Variants in NUDC observed in about 807,000 individuals in gnomAD.
NUDC encodes nuclear distribution C, dynein complex regulator, also known as nuclear migration protein nudC.
NUDC carries 14 observed loss-of-function variants against 45.0 expected under a neutral mutation model. The ratio of observed to expected loss-of-function variants is 0.31; its 90% CI spans 0.21 to 0.49. NUDC has a LOEUF of 0.49. NUDC is among the 20% of genes least tolerant of loss of function. The probability of loss-of-function intolerance (pLI) is 0.99; values close to 1 mark genes in which losing one functional copy is unlikely to be tolerated. For synonymous variants in NUDC, 153 were observed against 156.7 expected (o/e 0.98, Z 0.17); for missense variants, 323 against 426.2 (o/e 0.76, Z 2.13).
intron 2 of NUDC, among the ~76,000 whole-genome samples, chr1:26,908,069 C>T (rs2082009901): frequency 6.6e-6 from 1 of 152,028 alleles, no homozygotes; most frequent in Non-Finnish European, 1.5e-5. Context: ...ATCCCAGCTA[C>T]TTGGGAGGCT....
chr1:26,935,156 A>G (rs952998257), intron 2 of NUDC, among the ~76,000 whole-genome samples: 2 of 150,504 alleles, frequency 1.3e-5, no homozygotes, highest in African/African-American at 4.9e-5. Flanking sequence ...TAATTTTTGT[A>G]TTTTTAGTAG....
At chr1:26,929,674 A>AT (rs771271250) in intron 2 of NUDC, 6 of 412,106 alleles carry the variant, frequency 1.5e-5, no homozygotes, top group Admixed American at 2.6e-5. Flanking sequence ...TTGAAGGCAT[A>AT]TTTTTTGATG....
chr1:26,945,837 T>G, intron 8 of NUDC, 151 bp downstream of exon 8: 1 of 775,642 alleles, frequency 1.3e-6, no homozygotes, highest in Non-Finnish European at 2.3e-6. Flanking sequence ...GCTTGCCTAC[T>G]CTTGTCATTT....
At chr1:26,910,959 C>T (rs2082022763) in intron 2 of NUDC, among the ~76,000 whole-genome samples, 1 of 151,844 alleles carries the variant, frequency 6.6e-6, no homozygotes, top group Non-Finnish European at 1.5e-5. Flanking sequence ...GGCTGTGAGC[C>T]AAGTGTCATG....
upstream of NUDC, chr1:26,900,197 C>G (rs1285672428): frequency 1.2e-6 from 2 of 1,614,076 alleles, no homozygotes; most frequent in Non-Finnish European, 1.7e-6. Flanking sequence ...CATCGGTGGC[C>G]GAAGTCTGAG....
intron 2 of NUDC, among the ~76,000 whole-genome samples, chr1:26,932,444 G>A (rs1208370531): frequency 6.6e-6 from 1 of 152,088 alleles, no homozygotes; most frequent in Non-Finnish European, 1.5e-5. Flanking sequence ...TTCCCAAAGT[G>A]CTGGGATTAC....
In NUDC at chr1:26,924,126, C is replaced by CA; in HGVS notation, c.120dup (p.Asp41ArgfsTer69). 1 of 1,614,100 alleles carries CA rather than the reference C, an allele frequency of 6.2e-7. No individual in the cohort carries two copies. Among genetic ancestry groups the CA allele is most frequent in the Non-Finnish European group, 8.5e-7 (1 of 1,179,990 alleles). ...TTCTTCAGCTTCCTTCGACGCAAAA[C>CA]AGACTTTTTCATTGGAGGAGAAGAA... On this transcript the variant is annotated frameshift_variant, in exon 2 of 9. Transcript: ENST00000321265. LOFTEE classifies it high-confidence loss of function.
At chr1:26,927,987 T>C (rs963644352) in intron 2 of NUDC, among the ~76,000 whole-genome samples, 12 of 152,150 alleles carry the variant, frequency 7.9e-5, no homozygotes, top group African/African-American at 2.9e-4. Flanking sequence ...AGACTGTAAA[T>C]ACCTCATGCC....
rs774572030 is a variant in NUDC at position 26,942,754 on chromosome 1, C to G, written c.524C>G (p.Thr175Ser). 1.2e-6 allele frequency: 2 copies of G among 1,614,082 alleles called. No homozygotes were observed. Among genetic ancestry groups the G allele is most frequent in the African/African-American group, 2.7e-5 (2 of 74,934 alleles). ...NGADLPNYRWTQTLSELDLAV... is the reference protein window; with the variant it reads ...NGADLPNYRWSQTLSELDLAV... ...GCAGACCTGCCCAATTACCGCTGGA[C>G]CCAGACCCTGTCGGAGCTGGACGTG... is the stretch of plus-strand genomic sequence containing the variant. The change falls in exon 5 of 9, where the codon ACC becomes AGC. Residue 175 changes from threonine (T) to serine (S), a missense_variant. By Grantham distance (58) the Thr-to-Ser change is moderately conservative (BLOSUM62 1). Coordinates refer to ENST00000321265, the MANE Select transcript of NUDC (RefSeq NM_006600.4).
chr1:26,926,708 C>T (rs979422087), intron 2 of NUDC, among the ~76,000 whole-genome samples: 2 of 151,900 alleles, frequency 1.3e-5, no homozygotes, highest in African/African-American at 4.8e-5. Flanking sequence ...GTAAGTGATT[C>T]TCCTGCCTCA....
intron 2 of NUDC, among the ~76,000 whole-genome samples, chr1:26,927,264 CGTGTGTGTGTGTGTGTGTGTGT>C (rs60238934): frequency 2.2e-5 from 2 of 91,804 alleles, no homozygotes; most frequent in African/African-American, 9.7e-5. Flanking sequence ...AGAGATGAAC[CGTGTGTGTGTGTGTGTGTGTGT>C]GTGTGTGTGT....
At chr1:26,945,774 C>A in intron 8 of NUDC, 88 bp downstream of exon 8, 2 of 947,528 alleles carry the variant, frequency 2.1e-6, no homozygotes, top group Non-Finnish European at 3.5e-6. Flanking sequence ...ACTGCGCTGC[C>A]TCAGGAGCTG....
Position 26,941,778 on chromosome 1 carries a change from C to A in NUDC, c.389C>A (p.Ala130Asp), listed in dbSNP as rs2082279285. ...DQKKDAENHE[A>D]QLKNGSLDSP... ...AAAAAGGATGCAGAGAATCATGAGG[C>A]CCAGCTCAAGAACGGCAGCCTTGAC... Residue 130 changes from alanine to aspartate, a missense_variant, in exon 4 of 9, where the codon GCC (alanine) becomes GAC (aspartate). Transcript: ENST00000321265. 6.2e-7 allele frequency: 1 copy of A among 1,613,782 alleles called. No individual in the cohort carries two copies. The highest frequency in any genetic ancestry group is 1.3e-5 in the African/African-American group (1 of 74,918).
intron 2 of NUDC, among the ~76,000 whole-genome samples, chr1:26,934,462 G>A (rs1303772100): frequency 6.6e-6 from 1 of 152,032 alleles, no homozygotes; most frequent in African/African-American, 2.4e-5. Context: ...GTATCATTCT[G>A]CCCCTGGTAC....
At chr1:26,916,356 CTG>C (rs2082061785) in intron 3 of NUDC, among the ~76,000 whole-genome samples, 2 of 151,932 alleles carry the variant, frequency 1.3e-5, no homozygotes, top group Non-Finnish European at 2.9e-5. Flanking sequence ...TACTGCCCTC[CTG>C]CCTTGCTCTA....
chr1:26,921,370 C>T (rs1417271370), upstream of NUDC, among the ~76,000 whole-genome samples: 2 of 152,144 alleles, frequency 1.3e-5, no homozygotes, highest in African/African-American at 4.8e-5. Flanking sequence ...TGGTAAGTCC[C>T]TTCTAGGATT....
chr1:26,937,207 G>C (rs892834444), intron 2 of NUDC, among the ~76,000 whole-genome samples: 8 of 152,188 alleles, frequency 5.3e-5, no homozygotes, highest in Non-Finnish European at 1.2e-4. Flanking sequence ...CTCTGGGTGT[G>C]CCACCCTCCC....
At chr1:26,936,322 T>A (rs10399686) in intron 2 of NUDC, among the ~76,000 whole-genome samples, 3 of 149,738 alleles carry the variant, frequency 2.0e-5, no homozygotes, top group African/African-American at 7.4e-5. Context: ...CCCAAGTAGC[T>A]GGGATTACAG....
rs2082136033 is a variant in NUDC at position 26,926,751 on chromosome 1, C to T, written c.159+2585C>T. Among the ~76,000 whole-genome samples, 4 of 152,108 alleles carry T rather than the reference C, an allele frequency of 2.6e-5. 1 individual carries two copies. The South Asian group carries it at 8.3e-4, about 32-fold the overall frequency. On this transcript the variant is annotated intron_variant, in intron 2 of 8. Transcript: ENST00000321265. ...AAGTAGGTGGGATTACAGGCATGCA[C>T]CACCATGCCTGGCTAATTTTGTATT...
Sources: allele counts gnomAD v4.1 joint callset (sites outside exome capture counted in the v4.1 genomes callset), GRCh38; gene constraint gnomAD v4.1.1; transcripts MANE v1.5; gene names NCBI Gene and HGNC (gene_info 2026-07-23, HGNC 2026-07-21).